Variants in SYT7 observed in about 807,000 individuals in gnomAD.
The protein encoded by SYT7 is synaptotagmin-7.
A neutral mutation model predicts 75.1 loss-of-function variants in SYT7; 29 were observed. The ratio of observed to expected loss-of-function variants is 0.39; its 90% CI spans 0.29 to 0.53. The LOEUF (loss-of-function observed/expected upper bound fraction) is 0.53. Among genes scored for constraint, SYT7 ranks in the 20% least tolerant of loss-of-function variants. The pLI is 0.77. For missense variants in SYT7, 693 were observed against 953.2 expected (o/e 0.73, Z 3.59); for synonymous variants, 376 against 401.7 (o/e 0.94, Z 0.76).
chr11:61,527,039 G>C (rs946832582), intron 9 of SYT7, among the ~76,000 whole-genome samples: 5 of 152,154 alleles, frequency 3.3e-5, no homozygotes, highest in African/African-American at 1.2e-4. Flanking sequence ...GGCACCCAAA[G>C]GCCCTGGGAT....
intron 8 of SYT7, among the ~76,000 whole-genome samples, chr11:61,528,710 C>T (rs1215119498): frequency 6.6e-6 from 1 of 152,152 alleles, no homozygotes; most frequent in Admixed American, 6.5e-5. Flanking sequence ...GTGTGATTTA[C>T]AAAATGAGAG....
At chr11:61,528,920 GGCCTGACCCA>G (rs1215172548) in intron 8 of SYT7, among the ~76,000 whole-genome samples, 3 of 152,136 alleles carry the variant, frequency 2.0e-5, no homozygotes, top group Admixed American at 6.5e-5. Context: ...GAGGGCGCAT[GGCCTGACCCA>G]GCAACAGACA....
At chr11:61,556,290 C>T (rs996546383) in intron 1 of SYT7, 83 bp from the exon 2 acceptor site, 28 of 1,126,484 alleles carry the variant, frequency 2.5e-5, no homozygotes. Flanking sequence ...AGAACCACCA[C>T]CCTACCCTCC....
intron 3 of SYT7, among the ~76,000 whole-genome samples, chr11:61,547,605 C>T (rs2063229708): frequency 6.6e-6 from 1 of 151,766 alleles, no homozygotes; most frequent in Non-Finnish European, 1.5e-5. Flanking sequence ...CAGACTGGAG[C>T]CTCGCACCTG....
chr11:61,552,783 G>A (rs149865419), intron 2 of SYT7, among the ~76,000 whole-genome samples: 272 of 152,314 alleles, frequency 1.8e-3, no homozygotes, highest in Non-Finnish European at 2.6e-3. Flanking sequence ...ATGTTCCCCC[G>A]TCAGCCTAGC....
chr11:61,568,411 T>A (rs1162932164), intron 1 of SYT7, among the ~76,000 whole-genome samples: 1 of 152,184 alleles, frequency 6.6e-6, no homozygotes, highest in Non-Finnish European at 1.5e-5. Context: ...CTGGTATGTA[T>A]CATTTATTGA....
chr11:61,523,752 C>G lies in SYT7; in HGVS notation c.1756+75G>C. 2.8e-6 allele frequency: 4 copies of G among 1,437,116 alleles called. No individual in the cohort carries two copies. The highest frequency in any genetic ancestry group is 3.9e-6 in the Non-Finnish European group (4 of 1,030,616). 89.0% of individuals were successfully genotyped at this position (1,437,116 alleles called of 1,614,324 possible). On this transcript the variant is annotated intron_variant, in intron 11 of 12. Transcript: ENST00000539008. The surrounding 1 kb of genome is among the most constrained non-coding windows in gnomAD (Gnocchi z 5.0). ...GGTGAGGACCACTGCAGACCCTGCT[C>G]TCCACATCCGGTGTAAACCTTGTGT...
chr11:61,524,262 A>G lies in SYT7; in HGVS notation c.1641+101T>C. On this transcript the variant is annotated intron_variant, in intron 10 of 12. Coordinates refer to ENST00000539008, the MANE Select transcript of SYT7 (RefSeq NM_001365809.2). This position sits in a 1 kb window ranked among gnomAD's most constrained non-coding sequence, Gnocchi z 4.1. ...GGTCCACCCATCTGCACCCTCTCCC[A>G]CAGCCCTCCTGGCCTTCCTAAGGTT... is the stretch of plus-strand genomic sequence containing the variant. 2.1e-6 allele frequency: 3 copies of G among 1,432,118 alleles called. No homozygotes were observed. The highest frequency in any genetic ancestry group is 2.7e-5 in the South Asian group (2 of 74,498). The allele number at this position is 1,432,118 out of a possible 1,614,324, so 88.7% of individuals were successfully genotyped here. A position where few individuals can be genotyped will look rare whatever the true frequency, so the allele number is the denominator to read the frequency against.
intron 2 of SYT7, among the ~76,000 whole-genome samples, chr11:61,554,277 C>A (rs2135333268): frequency 6.6e-6 from 1 of 152,036 alleles, no homozygotes; most frequent in Non-Finnish European, 1.5e-5. Flanking sequence ...TCCTGGAAGT[C>A]ATCTCTCACC....
intron 5 of SYT7, among the ~76,000 whole-genome samples, chr11:61,545,532 C>T (rs987997035): frequency 3.3e-5 from 5 of 152,192 alleles, no homozygotes; most frequent in Admixed American, 6.5e-5. Context: ...TGGAGTCACC[C>T]GATGGTCAAA....
intron 3 of SYT7, among the ~76,000 whole-genome samples, chr11:61,550,115 G>A (rs978306139): frequency 3.9e-5 from 6 of 152,102 alleles, no homozygotes; most frequent in Non-Finnish European, 8.8e-5. Context: ...TTTGAAGACC[G>A]GAGTCTGGGC....
upstream of SYT7, among the ~76,000 whole-genome samples, chr11:61,582,898 C>A (rs777962491): frequency 1.3e-5 from 2 of 152,316 alleles, no homozygotes; most frequent in South Asian, 2.1e-4. Flanking sequence ...CTCATTCCCC[C>A]ACCCACCCCA....
chr11:61,582,145 T>C (rs968065785), upstream of SYT7, among the ~76,000 whole-genome samples: 1 of 148,058 alleles, frequency 6.8e-6, no homozygotes, highest in African/African-American at 2.5e-5. Context: ...CACACAGACA[T>C]GCTGCCCACA....
chr11:61,530,400 C>CT (rs555467647), intron 8 of SYT7, among the ~76,000 whole-genome samples: 331 of 152,206 alleles, frequency 2.2e-3, no homozygotes, highest in South Asian at 0.012. Flanking sequence ...CCACAGCCTG[C>CT]TTTTTCCCGA....
chr11:61,565,227 C>T (rs1026748467), intron 1 of SYT7, among the ~76,000 whole-genome samples: 15 of 152,166 alleles, frequency 9.9e-5, no homozygotes, highest in African/African-American at 3.6e-4. Context: ...AGGAAGCACC[C>T]TCCATGCGCA....
In SYT7 at chr11:61,546,659, G is replaced by A; in HGVS notation, c.348-404C>T. 2.2e-6 allele frequency: 1 copy of A among 464,050 alleles called. No individual in the cohort carries two copies. Among genetic ancestry groups the A allele is most frequent in the South Asian group, 1.5e-5 (1 of 64,606 alleles). The allele number at this position is 464,050 out of a possible 1,614,324, so 28.7% of individuals were successfully genotyped here. On this transcript the variant is annotated intron_variant, in intron 4 of 12. Transcript: ENST00000539008. This position sits in a 1 kb window ranked among gnomAD's most constrained non-coding sequence, Gnocchi z 7.6. ...AGGGTTAACGACGGAGGAAGAGCGGGCTGTCCAGGCCAGGAGGCCCCAAGG... is the reference window on the plus strand; with the variant it reads ...AGGGTTAACGACGGAGGAAGAGCGGACTGTCCAGGCCAGGAGGCCCCAAGG...
Position 61,542,219 on chromosome 11 carries a change from T to C in SYT7, c.933A>G (p.Lys311=). The C allele has an allele frequency of 2.6e-6, 4 of 1,534,040 alleles. No homozygotes were observed. The highest frequency in any genetic ancestry group is 3.5e-6 in the Non-Finnish European group (4 of 1,145,996). ...GQIRNRGLDM[K]SFLEGRMVVL... ...TCAAGGGGAGGACTTACAGGAAGGA[T>C]TTCATGTCCAAGCCTCGGTTTCGAA... Residue 311 remains lysine (K), a synonymous_variant, in exon 6 of 13, where the codon AAA becomes AAG. Transcript: ENST00000539008. This position sits in a 1 kb window ranked among gnomAD's most constrained non-coding sequence, Gnocchi z 7.8.
chr11:61,549,738 C>T lies in SYT7; in HGVS notation c.215+1646G>A, dbSNP rs372547097. ...CGGGGGCAGGCTAGGATTGTGAGTGCGGGGGCTGCAGGACCACACAGAGGC... is the reference window on the plus strand; with the variant it reads ...CGGGGGCAGGCTAGGATTGTGAGTGTGGGGGCTGCAGGACCACACAGAGGC... On this transcript the variant is annotated intron_variant, in intron 3 of 12. Transcript: ENST00000539008. Among the ~76,000 whole-genome samples, 440 of 152,286 alleles carry T rather than the reference C, an allele frequency of 2.9e-3. 24 individuals are homozygous for T. In the South Asian group the frequency reaches 0.082, roughly 28 times the overall value.
intron 7 of SYT7, among the ~76,000 whole-genome samples, chr11:61,536,456 C>T (rs375583891): frequency 1.3e-5 from 2 of 152,316 alleles, no homozygotes; most frequent in African/African-American, 2.4e-5. Context: ...CCAGCCACCC[C>T]CTGTGTGCCT....
Sources: gnomAD v4.1 joint callset for allele counts (sites outside exome capture counted in the v4.1 genomes callset) on GRCh38, gnomAD v4.1.1 for gene constraint, Gnocchi (gnomAD v3.1) non-coding constraint, MANE v1.5 for transcripts, NCBI Gene and HGNC (gene_info 2026-07-23, HGNC 2026-07-21) for gene names.